Variants in EXOC6B observed in about 807,000 individuals in gnomAD.
EXOC6B encodes the protein exocyst complex component 6B.
EXOC6B carries 54 observed loss-of-function variants against 113.5 expected under a neutral mutation model. The observed-to-expected ratio is 0.48, with a 90% CI of 0.38 to 0.60. The LOEUF (loss-of-function observed/expected upper bound fraction) is 0.60. Ranked by LOEUF, EXOC6B falls within the 20% of genes least tolerant of loss-of-function variation. EXOC6B has a pLI of 0.00. For missense variants in EXOC6B, 797 were observed against 977.5 expected (o/e 0.82, Z 2.46); for synonymous variants, 357 against 339.0 (o/e 1.05, Z -0.58).
chr2:72,730,577 G>GACACAC (rs1288008767), intron 5 of EXOC6B, among the ~76,000 whole-genome samples: 12 of 69,634 alleles, frequency 1.7e-4, no homozygotes, highest in African/African-American at 5.1e-4. Flanking sequence ...TAAACAGACA[G>GACACAC]AGACACACAC....
chr2:72,762,154 G>A (rs763254811), intron 1 of EXOC6B, among the ~76,000 whole-genome samples: 1 of 149,894 alleles, frequency 6.7e-6, no homozygotes, highest in Non-Finnish European at 1.5e-5. Flanking sequence ...TGAGGCAGCA[G>A]AATCACTTTA....
chr2:72,292,588 CAT>C (rs571134657), intron 20 of EXOC6B, among the ~76,000 whole-genome samples: 9 of 152,044 alleles, frequency 5.9e-5, no homozygotes, highest in Middle Eastern at 3.4e-3. Context: ...AAGTTTATCA[CAT>C]GTGTTGATTC....
rs549489629 is a variant in EXOC6B at position 72,398,898 on chromosome 2, CTG to C, written c.1981-19030_1981-19029del. On this transcript the variant is annotated intron_variant, in intron 18 of 21. Coordinates refer to ENST00000272427, the MANE Select transcript of EXOC6B (RefSeq NM_015189.3). ...TTTGGTATCTAGAGTATAAAATAAA[CTG>C]TTTTCAATGTAAGAAAAACATAAAA... Among the ~76,000 whole-genome samples, 37 of 151,312 alleles carry C rather than the reference CTG, an allele frequency of 2.4e-4. 1 individual carries two copies. Among genetic ancestry groups the C allele is most frequent in the African/African-American group, 8.7e-4 (36 of 41,226 alleles).
chr2:72,565,081 C>T (rs138815934), intron 7 of EXOC6B, among the ~76,000 whole-genome samples: 26 of 152,168 alleles, frequency 1.7e-4, no homozygotes, highest in East Asian at 1.4e-3. Context: ...CCAGGCATGG[C>T]GGCTTACACC....
intron 19 of EXOC6B, among the ~76,000 whole-genome samples, chr2:72,362,838 G>A (rs1183518835): frequency 1.3e-5 from 2 of 152,106 alleles, no homozygotes; most frequent in Non-Finnish European, 2.9e-5. Flanking sequence ...TTTGCATAGA[G>A]TAGGGCCCAC....
intron 6 of EXOC6B, among the ~76,000 whole-genome samples, chr2:72,692,224 C>CTTACTGTATGATTACTGATATGA (rs1558922839): frequency 6.6e-6 from 1 of 151,948 alleles, no homozygotes. Context: ...TTATTATATG[C>CTTACTGTATGATTACTGATATGA]TTACTGTATG....
intron 1 of EXOC6B, among the ~76,000 whole-genome samples, chr2:72,815,222 G>C (rs1462978959): frequency 1.3e-5 from 2 of 152,260 alleles, no homozygotes; most frequent in Admixed American, 6.5e-5. Context: ...CGGGTGCGGT[G>C]GCTCCCGCCT....
At chr2:72,571,859 C>A (rs1704531729) in intron 7 of EXOC6B, among the ~76,000 whole-genome samples, 1 of 151,872 alleles carries the variant, frequency 6.6e-6, no homozygotes, top group Admixed American at 6.6e-5. Flanking sequence ...TTCCTACCCA[C>A]CTTATTCCAT....
chr2:72,243,408 C>T (rs1252260209), intron 20 of EXOC6B, among the ~76,000 whole-genome samples: 1 of 152,112 alleles, frequency 6.6e-6, no homozygotes, highest in Non-Finnish European at 1.5e-5. Context: ...GAATACTATG[C>T]AGCCATAAAA....
chr2:72,825,721 G>T lies in EXOC6B; in HGVS notation c.113+77C>A. 1 of 1,430,326 alleles carries T rather than the reference G, an allele frequency of 7.0e-7. No homozygotes were observed. Among genetic ancestry groups the T allele is most frequent in the South Asian group, 1.5e-5 (1 of 68,568 alleles). The allele number at this position is 1,430,326 out of a possible 1,614,324, so 88.6% of individuals were successfully genotyped here. ...GCCGGCGCCGGACCTGGGGACAGCC[G>T]GCCGGAGGCCCGACCCAGAGGAGCC... On this transcript the variant is annotated intron_variant, in intron 1 of 21. Coordinates refer to ENST00000272427, the MANE Select transcript of EXOC6B (RefSeq NM_015189.3). The surrounding 1 kb of genome is among the most constrained non-coding windows in gnomAD (Gnocchi z 4.4).
intron 8 of EXOC6B, among the ~76,000 whole-genome samples, chr2:72,554,008 G>A (rs1703392147): frequency 6.6e-6 from 1 of 152,094 alleles, no homozygotes; most frequent in Admixed American, 6.5e-5. Context: ...TAAAGACAAT[G>A]CCCCAAAGAA....
chr2:72,259,130 T>C (rs1225972705), intron 20 of EXOC6B, among the ~76,000 whole-genome samples: 2 of 152,192 alleles, frequency 1.3e-5, no homozygotes, highest in Admixed American at 1.3e-4. Flanking sequence ...TACACTGATA[T>C]AACCCAAACT....
chr2:72,509,358 G>A (rs1357697247), intron 11 of EXOC6B, among the ~76,000 whole-genome samples: 3 of 152,118 alleles, frequency 2.0e-5, no homozygotes, highest in Admixed American at 6.5e-5. Context: ...AGCCCACTAA[G>A]ACAGTAGATT....
chr2:72,697,146 ATAGATATGGGG>A lies in EXOC6B; in HGVS notation c.669+20946_669+20956del, dbSNP rs1281240201. Among the ~76,000 whole-genome samples, 450 of 152,140 alleles carry A rather than the reference ATAGATATGGGG, an allele frequency of 3.0e-3. 1 individual carries two copies. Among genetic ancestry groups the A allele is most frequent in the African/African-American group, 9.8e-3 (408 of 41,474 alleles). The stretch of plus-strand genomic sequence containing the variant: ...TATAGATATAGATATAGATATAGAT[ATAGATATGGGG>A]TATACACACACAAAAATATTTTATT... On this transcript the variant is annotated intron_variant, in intron 6 of 21. Transcript: ENST00000272427.
rs545006277 is a variant in EXOC6B at position 72,228,822 on chromosome 2, A to G, written c.2197-44635T>C. Among the ~76,000 whole-genome samples, 3 of 152,262 alleles carry G rather than the reference A, an allele frequency of 2.0e-5. No homozygotes were observed. The East Asian group carries it at 5.8e-4, about 29-fold the overall frequency. On this transcript the variant is annotated intron_variant, in intron 20 of 21. Coordinates refer to ENST00000272427, the MANE Select transcript of EXOC6B (RefSeq NM_015189.3). Reference sequence around the variant, plus strand: ...GGTCCAATGGTATTTCTAGTTCTAGATCCCTGAGGAATCGCCACACTGACT... The same window carrying G: ...GGTCCAATGGTATTTCTAGTTCTAGGTCCCTGAGGAATCGCCACACTGACT...
At chr2:72,765,740 T>C (rs563336848) in intron 1 of EXOC6B, among the ~76,000 whole-genome samples, 2 of 152,224 alleles carry the variant, frequency 1.3e-5, no homozygotes, top group African/African-American at 2.4e-5. Context: ...AACAGAACAC[T>C]GGAGAAGAGG....
At chr2:72,338,825 G>A (rs1400176282) in intron 19 of EXOC6B, among the ~76,000 whole-genome samples, 2 of 150,400 alleles carry the variant, frequency 1.3e-5, no homozygotes, top group Non-Finnish European at 3.0e-5. Flanking sequence ...TTATGAGGGT[G>A]TTTTTTTTTC....
intron 16 of EXOC6B, 111 bp downstream of exon 16, chr2:72,492,207 G>A: frequency 2.0e-6 from 1 of 495,662 alleles, no homozygotes. Flanking sequence ...ACCATTAGAA[G>A]CCTATCAGGA....
At chr2:72,728,395 T>C (rs961604614) in intron 5 of EXOC6B, among the ~76,000 whole-genome samples, 3 of 152,324 alleles carry the variant, frequency 2.0e-5, no homozygotes, top group Admixed American at 6.5e-5. Context: ...ATTTTGAATG[T>C]GAGTCCAAGG....
Sources: gnomAD v4.1 joint callset for allele counts (sites outside exome capture counted in the v4.1 genomes callset) on GRCh38, gnomAD v4.1.1 for gene constraint, Gnocchi (gnomAD v3.1) non-coding constraint, MANE v1.5 for transcripts, NCBI Gene and HGNC (gene_info 2026-07-23, HGNC 2026-07-21) for gene names.